The following OPCML variants were observed in gnomAD, a reference collection of about 807,000 sequenced individuals.
OPCML encodes opioid binding protein/cell adhesion molecule like.
In OPCML, 13 loss-of-function variants were observed where a neutral mutation model predicts 37.8. The observed-to-expected ratio is 0.34, with a 90% confidence interval of 0.22 to 0.55. The LOEUF is 0.55. Ranked by LOEUF, OPCML falls within the 20% of genes least tolerant of loss-of-function variation. The pLI is 0.91. For synonymous variants in OPCML, 176 were observed against 168.8 expected, an observed-to-expected ratio of 1.04 and a Z score of -0.33; for missense variants, 341 against 435.6, an observed-to-expected ratio of 0.78 and a Z score of 1.93.
chr11:132,456,470 C>G (rs2096083159), intron 4 of OPCML, among the ~76,000 whole-genome samples: 1 of 152,174 alleles, frequency 6.6e-6, no homozygotes, highest in Non-Finnish European at 1.5e-5. Context: ...TATATCTAGT[C>G]AAATACCCTC....
chr11:133,212,405 G>T lies in OPCML; in HGVS notation c.62-269395C>A, dbSNP rs1939399454. Reference sequence around the variant, plus strand: ...CTCTGCTGTTCATCAAATACATCAAGAATTTCGTATGCCCTGCTTCCACTT... The same window carrying T: ...CTCTGCTGTTCATCAAATACATCAATAATTTCGTATGCCCTGCTTCCACTT... On this transcript the variant is annotated intron_variant, in intron 1 of 7. Coordinates refer to ENST00000524381, the MANE Select transcript of OPCML (RefSeq NM_001012393.5). This position sits in a 1 kb window ranked among gnomAD's most constrained non-coding sequence, Gnocchi z 4.9. 6.6e-6 allele frequency among the ~76,000 whole-genome samples: 1 copy of T among 152,040 alleles called. No individual in the cohort carries two copies. Among genetic ancestry groups the T allele is most frequent in the South Asian group, 2.1e-4 (1 of 4,820 alleles).
chr11:132,783,659 T>G (rs1308734561), intron 2 of OPCML, among the ~76,000 whole-genome samples: 1 of 152,146 alleles, frequency 6.6e-6, no homozygotes, highest in African/African-American at 2.4e-5. Flanking sequence ...AAAGATATAA[T>G]ACTCCCAAAG....
chr11:132,531,794 AT>A (rs1234088808), intron 3 of OPCML, among the ~76,000 whole-genome samples: 1 of 152,100 alleles, frequency 6.6e-6, no homozygotes, highest in African/African-American at 2.4e-5. Context: ...TTGTTAAAAA[AT>A]AGTTCTGGGC....
chr11:133,013,248 C>T (rs1394335672), intron 1 of OPCML, among the ~76,000 whole-genome samples: 2 of 152,120 alleles, frequency 1.3e-5, no homozygotes, highest in African/African-American at 4.8e-5. Context: ...AACACAAGAA[C>T]ATTTTCTTTT....
intron 1 of OPCML, among the ~76,000 whole-genome samples, chr11:133,254,814 C>T (rs775367125): frequency 6.6e-6 from 1 of 152,102 alleles, no homozygotes; most frequent in Non-Finnish European, 1.5e-5. Flanking sequence ...ACCTGAGAAA[C>T]AGTCATCCTT....
At chr11:132,686,593 A>G (rs1943167174) in intron 2 of OPCML, among the ~76,000 whole-genome samples, 1 of 152,248 alleles carries the variant, frequency 6.6e-6, no homozygotes, top group Non-Finnish European at 1.5e-5. Flanking sequence ...CTGGAACCAA[A>G]GTATCAATGA....
At chr11:133,223,537 C>T (rs1041906327) in intron 1 of OPCML, among the ~76,000 whole-genome samples, 25 of 152,028 alleles carry the variant, frequency 1.6e-4, no homozygotes, top group African/African-American at 4.6e-4. Flanking sequence ...AATATGGGGA[C>T]GGGGGTCAGA....
At chr11:133,245,408 G>T (rs1004200149) in intron 1 of OPCML, among the ~76,000 whole-genome samples, 1 of 152,120 alleles carries the variant, frequency 6.6e-6, no homozygotes, top group African/African-American at 2.4e-5. Context: ...CAAACCAACT[G>T]GCAGTTCAAG....
chr11:133,073,098 C>A (rs1948564751), intron 1 of OPCML, among the ~76,000 whole-genome samples: 1 of 152,180 alleles, frequency 6.6e-6, no homozygotes, highest in South Asian at 2.1e-4. Flanking sequence ...AGGTACGATA[C>A]ACCTCAGAAT....
rs7130054 is a variant in OPCML, at chr11:133,154,007, A to G, written c.62-210997T>C. 5.4e-3 allele frequency among the ~76,000 whole-genome samples: 816 copies of G among 151,666 alleles called. 4 individuals are homozygous for G. The highest frequency in any genetic ancestry group is 0.019 in the African/African-American group (797 of 41,312). The stretch of plus-strand genomic sequence containing the variant: ...GGAGGACCCTGGGTGAGAAGAAGCA[A>G]TCCTTAAAAGGACGAAGGCAGATCA... On this transcript the variant is annotated intron_variant, in intron 1 of 7. Transcript: ENST00000524381.
chr11:132,837,612 G>A (rs1941090178), intron 2 of OPCML, among the ~76,000 whole-genome samples: 1 of 152,162 alleles, frequency 6.6e-6, no homozygotes, highest in Non-Finnish European at 1.5e-5. Flanking sequence ...ATGGGTCAAC[G>A]ACATACATAC....
intron 1 of OPCML, among the ~76,000 whole-genome samples, chr11:133,307,614 A>G (rs1404037380): frequency 6.6e-6 from 1 of 152,088 alleles, no homozygotes; most frequent in Non-Finnish European, 1.5e-5. Context: ...GACCCTCCAT[A>G]TTAGACCCAA....
intron 1 of OPCML, among the ~76,000 whole-genome samples, chr11:133,202,721 G>A (rs1328740571): frequency 6.6e-6 from 1 of 152,204 alleles, no homozygotes; most frequent in African/African-American, 2.4e-5. Context: ...GGAAGCTCAG[G>A]TGGGAAACAG....
intron 1 of OPCML, among the ~76,000 whole-genome samples, chr11:133,313,784 G>A (rs571972853): frequency 2.6e-5 from 4 of 152,248 alleles, no homozygotes; most frequent in East Asian, 1.9e-4. Context: ...ATGGAGACCC[G>A]AGTTAGATTT....
intron 1 of OPCML, among the ~76,000 whole-genome samples, chr11:133,240,931 C>A (rs1940707862): frequency 6.6e-6 from 1 of 152,238 alleles, no homozygotes; most frequent in South Asian, 2.1e-4. Context: ...GGTCACTACC[C>A]TCTGCCAATT....
chr11:132,586,785 C>G (rs1459608321), intron 3 of OPCML, among the ~76,000 whole-genome samples: 2 of 152,108 alleles, frequency 1.3e-5, no homozygotes, highest in Non-Finnish European at 2.9e-5. Context: ...GGAATGAACC[C>G]TGCAAAGACT....
intron 1 of OPCML, among the ~76,000 whole-genome samples, chr11:133,091,317 G>A (rs897991568): frequency 5.3e-5 from 8 of 152,192 alleles, no homozygotes; most frequent in African/African-American, 1.7e-4. Context: ...ACAGAGCCAG[G>A]GCCATCACAG....
At chr11:132,906,542 A>C (rs1944247729) in intron 2 of OPCML, among the ~76,000 whole-genome samples, 1 of 152,150 alleles carries the variant, frequency 6.6e-6, no homozygotes, top group African/African-American at 2.4e-5. Flanking sequence ...AATGAATACT[A>C]TTCCATTAGG....
intron 1 of OPCML, among the ~76,000 whole-genome samples, chr11:133,089,050 G>A (rs1429289143): frequency 1.3e-5 from 2 of 152,194 alleles, no homozygotes; most frequent in Admixed American, 1.3e-4. Flanking sequence ...ACAATGTGAT[G>A]GAGTGATTTG....
Sources: allele counts gnomAD v4.1 joint callset (sites outside exome capture counted in the v4.1 genomes callset), GRCh38; gene constraint gnomAD v4.1.1; non-coding constraint Gnocchi (gnomAD v3.1); transcripts MANE v1.5; gene names NCBI Gene and HGNC (gene_info 2026-07-23, HGNC 2026-07-21).